GRIP1: variants seen among roughly 807,000 people sequenced by gnomAD.
The protein encoded by GRIP1 is glutamate receptor-interacting protein 1.
In GRIP1, 45 loss-of-function variants were observed where a neutral mutation model predicts 129.9. The ratio of observed to expected loss-of-function variants is 0.35; its 90% CI spans 0.27 to 0.44. The LOEUF is 0.44. GRIP1 is among the 20% of genes least tolerant of loss of function. GRIP1 has a pLI of 1.00. For synonymous variants in GRIP1, 530 were observed against 520.8 expected, an observed-to-expected ratio of 1.02 and a Z score of -0.24; for missense variants, 1,196 against 1,396.8, an observed-to-expected ratio of 0.86 and a Z score of 2.29.
At chr12:66,942,541 A>G (rs2041603729) in intron 1 of GRIP1, among the ~76,000 whole-genome samples, 1 of 152,226 alleles carries the variant, frequency 6.6e-6, no homozygotes, top group African/African-American at 2.4e-5. Context: ...TGTGGGTGTG[A>G]TATCTCAGAG....
At chr12:66,762,293 C>A (rs1033673178) in intron 1 of GRIP1, among the ~76,000 whole-genome samples, 1 of 152,106 alleles carries the variant, frequency 6.6e-6, no homozygotes, top group African/African-American at 2.4e-5. Context: ...TTACCTGGCC[C>A]CAAGGAAGAC....
chr12:66,564,357 A>G (rs917504981), intron 2 of GRIP1, among the ~76,000 whole-genome samples: 2 of 140,556 alleles, frequency 1.4e-5, no homozygotes, highest in African/African-American at 2.7e-5. Context: ...GTTCCCACCT[A>G]TGAGTGAGAA....
chr12:66,414,435 A>C (rs1372633737), intron 15 of GRIP1, among the ~76,000 whole-genome samples: 1 of 152,208 alleles, frequency 6.6e-6, no homozygotes, highest in African/African-American at 2.4e-5. Context: ...CTGCTCAAAC[A>C]AATCAGAGAG....
At chr12:66,856,765 A>G (rs11176453) in intron 1 of GRIP1, among the ~76,000 whole-genome samples, 13,522 of 151,720 alleles carry the variant, frequency 0.089, 668 homozygotes, top group South Asian at 0.17. Context: ...ACACTTTTAC[A>G]CTGTTGGTGG....
intron 1 of GRIP1, among the ~76,000 whole-genome samples, chr12:66,772,855 G>A (rs1353579052): frequency 6.6e-6 from 1 of 151,932 alleles, no homozygotes; most frequent in Non-Finnish European, 1.5e-5. Flanking sequence ...GAAACCCACT[G>A]GAGACCCAAA....
At chr12:66,729,893 C>A (rs997319267) in intron 1 of GRIP1, among the ~76,000 whole-genome samples, 2 of 152,152 alleles carry the variant, frequency 1.3e-5, no homozygotes, top group South Asian at 4.1e-4. Context: ...ATACTTAAGC[C>A]TCTCTGACTA....
intron 2 of GRIP1, among the ~76,000 whole-genome samples, chr12:66,578,702 G>A (rs1347526647): frequency 6.6e-6 from 1 of 152,236 alleles, no homozygotes; most frequent in Non-Finnish European, 1.5e-5. Context: ...GCGAGGCTGG[G>A]GGAGGGGCGC....
At chr12:66,963,913 C>T (rs1305034283) in intron 1 of GRIP1, among the ~76,000 whole-genome samples, 1 of 152,164 alleles carries the variant, frequency 6.6e-6, no homozygotes, top group Non-Finnish European at 1.5e-5. Flanking sequence ...TGTTTCTTAC[C>T]TCAGAAAATA....
rs573714828 is a variant in GRIP1, at chr12:66,543,368, C to T, written c.137-1418G>A. On this transcript the variant is annotated intron_variant, in intron 2 of 24. Transcript: ENST00000359742. Reference sequence around the variant, plus strand: ...AGTAGAAGCCAAGGAGGAGTCTGAGCGTGTATGATGTCAGCTTCATCTACT... The same window carrying T: ...AGTAGAAGCCAAGGAGGAGTCTGAGTGTGTATGATGTCAGCTTCATCTACT... Among the ~76,000 whole-genome samples, 283 of 152,198 alleles carry T rather than the reference C, an allele frequency of 1.9e-3. 1 individual carries two copies. The highest frequency in any genetic ancestry group is 6.3e-3 in the African/African-American group (260 of 41,534).
chr12:66,406,255 C>A, intron 16 of GRIP1, 28 bp downstream of exon 16: 2 of 1,612,480 alleles, frequency 1.2e-6, no homozygotes, highest in Non-Finnish European at 1.7e-6. Flanking sequence ...TTCGAAAAAT[C>A]AGTTTTAACT....
At position 66,736,346 on chromosome 12, in the gene GRIP1, A is replaced by ATTTTTTTTTT. The variant is rs547706592; in HGVS notation, c.-420+67697_-420+67706dup. ...AGGTGTGCACCACCGTGCCTGGCTA[A>ATTTTTTTTTT]TTTTTTTTTTTTTTTTTTTTTTTTT... On this transcript the variant is annotated intron_variant, in intron 1 of 4. Transcript: ENST00000538373. Among the ~76,000 whole-genome samples, 23 of 67,018 alleles carry ATTTTTTTTTT rather than the reference A, an allele frequency of 3.4e-4. 4 individuals carry two copies. Among genetic ancestry groups the ATTTTTTTTTT allele is most frequent in the Non-Finnish European group, 4.1e-4 (15 of 36,458 alleles). 44.0% of individuals were successfully genotyped at this position (67,018 alleles called of 152,430 possible). A position where few individuals can be genotyped will look rare whatever the true frequency, so the allele number is the denominator to read the frequency against.
At chr12:66,518,866 C>T (rs1258655723) in intron 5 of GRIP1, among the ~76,000 whole-genome samples, 1 of 152,190 alleles carries the variant, frequency 6.6e-6, no homozygotes, top group Non-Finnish European at 1.5e-5. Flanking sequence ...TACAAAAATG[C>T]TTTTCCGAAA....
intron 12 of GRIP1, 46 bp downstream of exon 12, chr12:66,445,276 C>T (rs2058589108): frequency 6.7e-7 from 1 of 1,483,974 alleles, no homozygotes; most frequent in Non-Finnish European, 9.4e-7. Context: ...TAGCAGGTAC[C>T]AGAAACGCAG....
At chr12:66,927,464 TATC>T (rs1185487384) in intron 1 of GRIP1, among the ~76,000 whole-genome samples, 8 of 152,138 alleles carry the variant, frequency 5.3e-5, no homozygotes, top group Non-Finnish European at 1.2e-4. Context: ...ATCCCTGCCT[TATC>T]ATTCATTTCT....
chr12:66,729,913 A>C (rs1201192272), intron 1 of GRIP1, among the ~76,000 whole-genome samples: 1 of 152,200 alleles, frequency 6.6e-6, no homozygotes, highest in East Asian at 1.9e-4. Context: ...ATAAGACTCA[A>C]GCTTAATCAC....
chr12:66,618,961 A>G (rs1027535685), intron 1 of GRIP1, among the ~76,000 whole-genome samples: 1 of 152,158 alleles, frequency 6.6e-6, no homozygotes, highest in African/African-American at 2.4e-5. Flanking sequence ...AACTCGTATT[A>G]TTCTGTTTCA....
chr12:66,784,529 T>C (rs1033632615), intron 1 of GRIP1, among the ~76,000 whole-genome samples: 1 of 152,166 alleles, frequency 6.6e-6, no homozygotes, highest in Non-Finnish European at 1.5e-5. Context: ...TTTAATCCAA[T>C]GTCCATGCTC....
At chr12:66,872,406 G>T (rs1268057651) in intron 1 of GRIP1, among the ~76,000 whole-genome samples, 1 of 151,982 alleles carries the variant, frequency 6.6e-6, no homozygotes, top group East Asian at 1.9e-4. Context: ...ACACTCAACT[G>T]TTCCTATATT....
intron 7 of GRIP1, among the ~76,000 whole-genome samples, chr12:66,489,567 G>A (rs2060050148): frequency 6.6e-6 from 1 of 152,134 alleles, no homozygotes; most frequent in Non-Finnish European, 1.5e-5. Context: ...AGACAAGGAT[G>A]CCCTCTCTTA....
Sources: gnomAD v4.1 joint callset for allele counts (sites outside exome capture counted in the v4.1 genomes callset) on GRCh38, gnomAD v4.1.1 for gene constraint, MANE v1.5 for transcripts, NCBI Gene and HGNC (gene_info 2026-07-23, HGNC 2026-07-21) for gene names.